The following OPCML variants were observed in gnomAD, a reference collection of about 807,000 sequenced individuals.
OPCML encodes the protein opioid binding protein/cell adhesion molecule like.
In OPCML, 13 loss-of-function variants were observed where a neutral mutation model predicts 37.8. That is an observed-to-expected ratio of 0.34 (90% CI 0.22 to 0.55). The LOEUF is 0.55. OPCML is among the 20% of genes least tolerant of loss of function. OPCML has a pLI of 0.91. For synonymous variants in OPCML, 176 were observed against 168.8 expected, an observed-to-expected ratio of 1.04 and a Z score of -0.33; for missense variants, 341 against 435.6, an observed-to-expected ratio of 0.78 and a Z score of 1.93.
intron 2 of OPCML, among the ~76,000 whole-genome samples, chr11:132,707,598 A>G (rs1944085656): frequency 1.3e-5 from 2 of 152,214 alleles, no homozygotes; most frequent in South Asian, 2.1e-4. Flanking sequence ...TGGCTGAGAA[A>G]TGGTTCAAAG....
intron 1 of OPCML, among the ~76,000 whole-genome samples, chr11:133,143,628 T>C (rs1339414156): frequency 6.6e-6 from 1 of 152,192 alleles, no homozygotes; most frequent in Non-Finnish European, 1.5e-5. Flanking sequence ...CCCTTCCCCA[T>C]ATCTCATCTC....
intron 1 of OPCML, among the ~76,000 whole-genome samples, chr11:133,196,712 C>T (rs1043342199): frequency 2.0e-5 from 3 of 152,138 alleles, no homozygotes; most frequent in African/African-American, 7.2e-5. Context: ...GAGACCATCC[C>T]ACAGCTACAG....
chr11:132,621,889 T>A (rs775488030), intron 3 of OPCML, among the ~76,000 whole-genome samples: 3 of 152,134 alleles, frequency 2.0e-5, no homozygotes, highest in Non-Finnish European at 1.5e-5. Context: ...TCCACTAAAA[T>A]CTTTTGTGTA....
chr11:132,706,468 T>C (rs1251475851), intron 2 of OPCML, among the ~76,000 whole-genome samples: 1 of 152,148 alleles, frequency 6.6e-6, no homozygotes, highest in Non-Finnish European at 1.5e-5. Flanking sequence ...CTTGTAGAGA[T>C]TTTTTAATGC....
chr11:132,617,292 T>C (rs1433764734), intron 3 of OPCML, among the ~76,000 whole-genome samples: 1 of 152,182 alleles, frequency 6.6e-6, no homozygotes, highest in Non-Finnish European at 1.5e-5. Flanking sequence ...GAACATATAT[T>C]CACAAAACAA....
At chr11:133,222,198 C>A (rs984921685) in intron 1 of OPCML, among the ~76,000 whole-genome samples, 1 of 152,164 alleles carries the variant, frequency 6.6e-6, no homozygotes, top group Admixed American at 6.5e-5. Context: ...CAGGGGCCTG[C>A]AGATGACCAG....
intron 3 of OPCML, among the ~76,000 whole-genome samples, chr11:132,586,509 T>C (rs911331072): frequency 1.3e-5 from 2 of 152,204 alleles, no homozygotes; most frequent in African/African-American, 4.8e-5. Context: ...AGTGAATGCA[T>C]CCTTTTCCTT....
At chr11:133,507,946 CAAAAAAA>C (rs200433156) in intron 1 of OPCML, among the ~76,000 whole-genome samples, 4 of 98,768 alleles carry the variant, frequency 4.0e-5, no homozygotes, top group Admixed American at 1.1e-4. Context: ...AAGTATGTCT[CAAAAAAA>C]AAAAAAAAAA....
chr11:132,703,465 G>T (rs1056275958), intron 2 of OPCML, among the ~76,000 whole-genome samples: 1 of 152,112 alleles, frequency 6.6e-6, no homozygotes. Flanking sequence ...CCTGATATTT[G>T]CAATCCTTGT....
chr11:133,416,011 A>C (rs191388573), intron 1 of OPCML, among the ~76,000 whole-genome samples: 3 of 152,318 alleles, frequency 2.0e-5, no homozygotes, highest in Non-Finnish European at 1.5e-5. Context: ...GAAAAGAAAC[A>C]CAGGCCTATC....
chr11:132,588,945 G>A (rs575422712), intron 3 of OPCML, among the ~76,000 whole-genome samples: 6 of 152,130 alleles, frequency 3.9e-5, no homozygotes, highest in Admixed American at 2.6e-4. Context: ...GCCCAAACTC[G>A]CATATAACTA....
At chr11:132,567,510 C>T (rs568975040) in intron 3 of OPCML, among the ~76,000 whole-genome samples, 3 of 152,030 alleles carry the variant, frequency 2.0e-5, no homozygotes, top group Non-Finnish European at 2.9e-5. Context: ...CAAGGGACAA[C>T]TAGATAGGTC....
chr11:132,967,216 TCTTAA>T (rs1946235978), intron 1 of OPCML, among the ~76,000 whole-genome samples: 1 of 152,102 alleles, frequency 6.6e-6, no homozygotes, highest in Non-Finnish European at 1.5e-5. Flanking sequence ...ACTGTATATG[TCTTAA>T]CTTATCAGAA....
chr11:132,484,001 G>C (rs1398350718), intron 4 of OPCML, among the ~76,000 whole-genome samples: 1 of 152,052 alleles, frequency 6.6e-6, no homozygotes, highest in Admixed American at 6.6e-5. Flanking sequence ...CAGGACATAG[G>C]CATGGGCAAG....
rs149120796 is a variant in OPCML, at chr11:133,026,598, T to C, written c.62-83588A>G. 1.7e-4 allele frequency: 171 copies of C among 984,752 alleles called. No homozygotes were observed. In the African/African-American group the frequency reaches 2.9e-3, roughly 16 times the overall value. The allele number at this position is 984,752 out of a possible 1,614,324, so 61.0% of individuals were successfully genotyped here. On this transcript the variant is annotated intron_variant, in intron 1 of 7. Coordinates refer to ENST00000524381, the MANE Select transcript of OPCML (RefSeq NM_001012393.5). ...TGAAACTGTGATTCTTTCTAGCTAA[T>C]GTCCCACATTTTCATAGTGCTTTCT...
At chr11:132,906,679 G>A (rs1944253006) in intron 2 of OPCML, among the ~76,000 whole-genome samples, 1 of 152,146 alleles carries the variant, frequency 6.6e-6, no homozygotes, top group African/African-American at 2.4e-5. Context: ...AGGAAAAGAG[G>A]GTACTGCCCT....
At chr11:132,628,252 C>T (rs1314718668) in intron 3 of OPCML, among the ~76,000 whole-genome samples, 4 of 151,574 alleles carry the variant, frequency 2.6e-5, no homozygotes, top group Non-Finnish European at 5.9e-5. Flanking sequence ...CTCACGTTAC[C>T]AAGGGAAAAA....
rs80109832 is a variant in OPCML, at chr11:133,470,828, G to A, written c.61+61436C>T. Among the ~76,000 whole-genome samples, 636 of 152,352 alleles carry A rather than the reference G, an allele frequency of 4.2e-3. 22 individuals carry two copies. In the East Asian group the frequency reaches 0.093, roughly 22 times the overall value. ...TGCTCAGGACAAGCCATGTTTGTCTGCATTTCCAGAGATGCTTAAGAAGGC... is the reference window on the plus strand; with the variant it reads ...TGCTCAGGACAAGCCATGTTTGTCTACATTTCCAGAGATGCTTAAGAAGGC... On this transcript the variant is annotated intron_variant, in intron 1 of 7. Coordinates refer to ENST00000524381, the MANE Select transcript of OPCML (RefSeq NM_001012393.5).
At chr11:132,567,701 G>A (rs2096427085) in intron 3 of OPCML, among the ~76,000 whole-genome samples, 1 of 152,138 alleles carries the variant, frequency 6.6e-6, no homozygotes, top group South Asian at 2.1e-4. Context: ...ATTGGGTAAT[G>A]TTTTACTTTT....
Sources: gnomAD v4.1 joint callset for allele counts (sites outside exome capture counted in the v4.1 genomes callset) on GRCh38, gnomAD v4.1.1 for gene constraint, MANE v1.5 for transcripts, NCBI Gene and HGNC (gene_info 2026-07-23, HGNC 2026-07-21) for gene names.